Variants in NPAS2 observed in about 807,000 individuals in gnomAD.
The protein encoded by NPAS2 is neuronal PAS domain-containing protein 2.
A neutral mutation model predicts 107.5 loss-of-function variants in NPAS2; 23 were observed. The observed-to-expected ratio is 0.21, with a 90% CI of 0.15 to 0.30. The LOEUF is 0.30. Ranked by LOEUF, NPAS2 falls within the 10% of genes least tolerant of loss-of-function variation. NPAS2 has a pLI of 1.00. For synonymous variants in NPAS2, 403 were observed against 417.5 expected (o/e 0.97, Z 0.42); for missense variants, 756 against 1,043.3 (o/e 0.72, Z 3.79).
chr2:100,990,084 A>G, intron 17 of NPAS2, 172 bp from the exon 18 acceptor site: 1 of 680,748 alleles, frequency 1.5e-6, no homozygotes, highest in Non-Finnish European at 2.6e-6. Flanking sequence ...AGGGATTCAA[A>G]TACAATCCAA....
At chr2:100,946,704 C>T (rs1373092476) in intron 5 of NPAS2, among the ~76,000 whole-genome samples, 2 of 152,144 alleles carry the variant, frequency 1.3e-5, no homozygotes, top group Non-Finnish European at 1.5e-5. Flanking sequence ...ATTGCACAGG[C>T]ACTAAAGTGG....
chr2:100,964,864 A>G lies in NPAS2; in HGVS notation c.721A>G (p.Met241Val). The change falls in exon 9 of 21, where the codon ATG becomes GTG. Residue 241 changes from methionine to valine, a missense_variant. By Grantham distance (21) the Met-to-Val change is conservative. Transcript: ENST00000335681. Reference sequence around the variant, plus strand: ...TTTTTTTCTGCTTCCAATACAGGAAATGTGCATAGTTGACGAACCTTTAGA... The same window carrying G: ...TTTTTTTCTGCTTCCAATACAGGAAGTGTGCATAGTTGACGAACCTTTAGA... ...RLATPQFLKE[M>V]CIVDEPLEEF... is the part of the protein sequence containing the mutation. 5 of 1,577,164 alleles carry G rather than the reference A, an allele frequency of 3.2e-6. No homozygotes were observed. Among genetic ancestry groups the G allele is most frequent in the Non-Finnish European group, 4.3e-6 (5 of 1,169,326 alleles).
chr2:100,837,071 C>T (rs1049272470), intron 1 of NPAS2, among the ~76,000 whole-genome samples: 2 of 151,970 alleles, frequency 1.3e-5, no homozygotes, highest in African/African-American at 2.4e-5. Flanking sequence ...CATACAGCAG[C>T]GGGACCCCAT....
intron 7 of NPAS2, among the ~76,000 whole-genome samples, chr2:100,954,666 AAAAAAAAAAAAAAAG>A (rs1407418515): frequency 1.2e-5 from 1 of 80,010 alleles, no homozygotes; most frequent in African/African-American, 5.3e-5. Context: ...CTGTGTCTCA[AAAAAAAAAAAAAAAG>A]AAAAAAAAGA....
intron 1 of NPAS2, among the ~76,000 whole-genome samples, chr2:100,870,552 C>T (rs76478258): frequency 0.051 from 7,814 of 152,198 alleles, 662 homozygotes; most frequent in African/African-American, 0.18. Context: ...CCTGCCACCA[C>T]ACCTGGTGAA....
At chr2:100,922,837 C>T (rs886896311) in intron 2 of NPAS2, among the ~76,000 whole-genome samples, 10 of 152,114 alleles carry the variant, frequency 6.6e-5, no homozygotes, top group Admixed American at 2.6e-4. Context: ...CTGTCACTAA[C>T]GATAGGAGCC....
chr2:100,927,653 C>T (rs1683669284), intron 3 of NPAS2, among the ~76,000 whole-genome samples: 1 of 152,208 alleles, frequency 6.6e-6, no homozygotes, highest in Non-Finnish European at 1.5e-5. Flanking sequence ...CCATTCTTCC[C>T]ATGCTATTGC....
chr2:100,972,642 C>T (rs1014412438), intron 12 of NPAS2: 15 of 152,206 alleles, frequency 9.9e-5, no homozygotes, highest in African/African-American at 2.7e-4. Flanking sequence ...ATCACCAGCA[C>T]GCTGATAGGA....
intron 1 of NPAS2, among the ~76,000 whole-genome samples, chr2:100,858,565 A>AGAGCTGGAT (rs1360552114): frequency 2.0e-5 from 3 of 152,086 alleles, no homozygotes. Flanking sequence ...TGGGGCTGGA[A>AGAGCTGGAT]GAGTTAGGGG....
chr2:100,985,709 A>G (rs1354777545), intron 16 of NPAS2: 1 of 152,190 alleles, frequency 6.6e-6, no homozygotes, highest in African/African-American at 2.4e-5. Context: ...CAGGTCATTT[A>G]TATGCATTAA....
chr2:100,993,792 T>G, intron 20 of NPAS2: 1 of 380,102 alleles, frequency 2.6e-6, no homozygotes, highest in Non-Finnish European at 4.7e-6. Flanking sequence ...AAAAAAGTAG[T>G]TTCTACTCAA....
chr2:100,990,147 T>C (rs1678026063), intron 17 of NPAS2, 109 bp from the exon 18 acceptor site: 2 of 937,882 alleles, frequency 2.1e-6, no homozygotes, highest in Non-Finnish European at 3.3e-6. Context: ...GGTTCTGATT[T>C]AGAGGAAAGG....
chr2:100,841,619 A>G (rs1021802687), intron 1 of NPAS2, among the ~76,000 whole-genome samples: 1 of 152,178 alleles, frequency 6.6e-6, no homozygotes, highest in African/African-American at 2.4e-5. Context: ...ACCAGTGACT[A>G]AAGGTTAGAA....
At chr2:100,863,001 T>C (rs1265674022) in intron 1 of NPAS2, among the ~76,000 whole-genome samples, 1 of 152,200 alleles carries the variant, frequency 6.6e-6, no homozygotes, top group Non-Finnish European at 1.5e-5. Context: ...TATAAGGTCG[T>C]GAGGAAGGAT....
intron 3 of NPAS2, among the ~76,000 whole-genome samples, chr2:100,927,934 T>G (rs539525154): frequency 1.3e-5 from 2 of 152,260 alleles, no homozygotes; most frequent in African/African-American, 4.8e-5. Flanking sequence ...CCAAACATAA[T>G]AAGTCAGAAA....
At chr2:100,974,605 C>T (rs779890719) in intron 12 of NPAS2, among the ~76,000 whole-genome samples, 198 bp from the exon 13 acceptor site, 3 of 152,232 alleles carry the variant, frequency 2.0e-5, no homozygotes, top group Non-Finnish European at 4.4e-5. Flanking sequence ...CGCTGCTTTT[C>T]GGCTGCAAGC....
At chr2:100,883,900 T>C (rs937842205) in intron 1 of NPAS2, among the ~76,000 whole-genome samples, 1 of 134,106 alleles carries the variant, frequency 7.5e-6, no homozygotes, top group Non-Finnish European at 1.7e-5. Context: ...ACCTCCCTAC[T>C]GGTTAGGCCC....
chr2:100,831,252 C>A (rs914481953), intron 1 of NPAS2, among the ~76,000 whole-genome samples: 1 of 151,962 alleles, frequency 6.6e-6, no homozygotes, highest in Non-Finnish European at 1.5e-5. Flanking sequence ...ACTGAGATTG[C>A]GCCATTGCAC....
At chr2:100,929,149 C>A (rs1683777290) in intron 3 of NPAS2, among the ~76,000 whole-genome samples, 1 of 152,196 alleles carries the variant, frequency 6.6e-6, no homozygotes, top group South Asian at 2.1e-4. Flanking sequence ...AAGTGATCTG[C>A]CCACCTTGGC....
Sources: allele counts gnomAD v4.1 joint callset (sites outside exome capture counted in the v4.1 genomes callset), GRCh38; gene constraint gnomAD v4.1.1; transcripts MANE v1.5; gene names NCBI Gene and HGNC (gene_info 2026-07-23, HGNC 2026-07-21).